IL1RAPL1: variants seen among roughly 807,000 people sequenced by gnomAD.
IL1RAPL1 encodes interleukin-1 receptor accessory protein-like 1.
Under a neutral mutation model 48.4 loss-of-function variants are expected in IL1RAPL1, and 3 were observed. The ratio of observed to expected loss-of-function variants is 0.06; its 90% CI spans 0.03 to 0.16. IL1RAPL1 has a LOEUF of 0.16. Among genes scored for constraint, IL1RAPL1 ranks in the 10% least tolerant of loss-of-function variants. IL1RAPL1 has a pLI of 1.00. For missense variants in IL1RAPL1, 349 were observed against 530.6 expected (o/e 0.66, Z 3.36); for synonymous variants, 185 against 187.7 (o/e 0.99, Z 0.12).
At chrX:29,184,791 G>T (rs1930219585) in intron 2 of IL1RAPL1, among the ~76,000 whole-genome samples, 2 of 111,982 alleles carry the variant, frequency 1.8e-5, no homozygotes, top group Admixed American at 9.4e-5. Context: ...ATGAGCCACC[G>T]CACCCACCCA....
chrX:29,206,969 C>T (rs765854024), intron 2 of IL1RAPL1, among the ~76,000 whole-genome samples: 1 of 111,501 alleles, frequency 9.0e-6, no homozygotes, highest in South Asian at 3.8e-4. Context: ...TTATTTAAAA[C>T]GCTTTCCCAA....
intron 5 of IL1RAPL1, among the ~76,000 whole-genome samples, chrX:29,446,132 A>T (rs1934609333): frequency 9.0e-6 from 1 of 111,730 alleles, no homozygotes; most frequent in African/African-American, 3.2e-5. Context: ...GGTTCTCAAG[A>T]CTTTTTGTCC....
At position 29,569,898 on chromosome X, in the gene IL1RAPL1, A is replaced by G. The variant is rs748093318; in HGVS notation, c.704-98532A>G. On this transcript the variant is annotated intron_variant, in intron 5 of 10. Transcript: ENST00000378993. Reference sequence around the variant, plus strand: ...CCAGGTAGTGTTATTTGCAGCTGAAATCAGTAAGTTTGTAATTTAGAACCT... The same window carrying G: ...CCAGGTAGTGTTATTTGCAGCTGAAGTCAGTAAGTTTGTAATTTAGAACCT... Among the ~76,000 whole-genome samples the G allele has an allele frequency of 1.4e-4, 16 of 112,083 alleles. No individual in the cohort carries two copies. In the South Asian group the frequency reaches 4.1e-3, roughly 29 times the overall value.
intron 2 of IL1RAPL1, among the ~76,000 whole-genome samples, chrX:29,186,512 GGAAA>G (rs1930254988): frequency 1.8e-5 from 2 of 110,890 alleles, no homozygotes; most frequent in African/African-American, 3.3e-5. Flanking sequence ...CTAGTAGAAA[GGAAA>G]GAAAGATAGA....
intron 2 of IL1RAPL1, among the ~76,000 whole-genome samples, chrX:29,278,847 G>C (rs1393240683): frequency 8.9e-6 from 1 of 111,947 alleles, no homozygotes; most frequent in African/African-American, 3.2e-5. Flanking sequence ...TTTAAGATTT[G>C]AAAAGTCTCA....
chrX:29,837,300 T>C (rs1012938548), intron 6 of IL1RAPL1, among the ~76,000 whole-genome samples: 707 of 55,476 alleles, frequency 0.013, 27 homozygotes, highest in African/African-American at 0.044. Context: ...TATATATATA[T>C]ACACACACAC....
chrX:28,715,143 A>G (rs1935488212), intron 1 of IL1RAPL1, among the ~76,000 whole-genome samples: 1 of 112,476 alleles, frequency 8.9e-6, no homozygotes, highest in Non-Finnish European at 1.9e-5. Context: ...TCGTATAATC[A>G]GAAGTAAAAC....
intron 5 of IL1RAPL1, among the ~76,000 whole-genome samples, chrX:29,633,202 ATGAG>A (rs1924838717): frequency 9.0e-6 from 1 of 111,500 alleles, no homozygotes; most frequent in African/African-American, 3.3e-5. Context: ...ACACAACAAT[ATGAG>A]TGACTCTCAC....
chrX:28,757,984 G>A (rs1028907122), intron 1 of IL1RAPL1, among the ~76,000 whole-genome samples: 1 of 112,254 alleles, frequency 8.9e-6, no homozygotes, highest in African/African-American at 3.2e-5. Context: ...CTGTTGAAAA[G>A]CCAGGTGACC....
intron 5 of IL1RAPL1, among the ~76,000 whole-genome samples, chrX:29,570,198 A>G (rs894023309): frequency 5.3e-5 from 6 of 112,341 alleles, no homozygotes; most frequent in Admixed American, 2.8e-4. Context: ...ATATCATGGG[A>G]AAACTTATCA....
Position 29,268,544 on chromosome X carries a change from C to T in IL1RAPL1, c.83-14394C>T, listed in dbSNP as rs185403779. Among the ~76,000 whole-genome samples the T allele has an allele frequency of 1.7e-3, 191 of 111,867 alleles. 1 individual carries two copies. Among genetic ancestry groups the T allele is most frequent in the African/African-American group, 5.6e-3 (174 of 30,862 alleles). ...ATGTGTGCATGTGTATATATGTGTG[C>T]GTGCACATACCCTTGTCATCACTAA... On this transcript the variant is annotated intron_variant, in intron 2 of 10. Coordinates refer to ENST00000378993, the MANE Select transcript of IL1RAPL1 (RefSeq NM_014271.4).
intron 2 of IL1RAPL1, among the ~76,000 whole-genome samples, chrX:29,223,764 C>T (rs1326609260): frequency 2.7e-5 from 3 of 109,789 alleles, no homozygotes; most frequent in Non-Finnish European, 5.7e-5. Context: ...AGGCTGGTCT[C>T]GATCTCCTGA....
At chrX:29,081,022 T>TCTCTCTC (rs1569232895) in intron 2 of IL1RAPL1, among the ~76,000 whole-genome samples, 31 of 39,242 alleles carry the variant, frequency 7.9e-4, no homozygotes, top group Middle Eastern at 0.013. Flanking sequence ...CTCTCTCTCT[T>TCTCTCTC]TCTTTTCTTT....
intron 2 of IL1RAPL1, among the ~76,000 whole-genome samples, chrX:28,802,729 A>G (rs1422723108): frequency 8.9e-6 from 1 of 112,107 alleles, no homozygotes; most frequent in African/African-American, 3.2e-5. Context: ...ATATTGTCAT[A>G]TCAGAAAAAA....
At chrX:29,512,681 C>G (rs1007869947) in intron 5 of IL1RAPL1, among the ~76,000 whole-genome samples, 1 of 111,924 alleles carries the variant, frequency 8.9e-6, no homozygotes, top group African/African-American at 3.2e-5. Flanking sequence ...AGCACTTGAG[C>G]AAGAACAAGT....
intron 2 of IL1RAPL1, among the ~76,000 whole-genome samples, chrX:28,916,557 T>G (rs139459288): frequency 1.8e-5 from 2 of 112,471 alleles, no homozygotes; most frequent in African/African-American, 6.4e-5. Flanking sequence ...TTTAGAGCTG[T>G]GCTAGAATTG....
chrX:29,199,612 C>T (rs1471533658), intron 2 of IL1RAPL1, among the ~76,000 whole-genome samples: 1 of 110,722 alleles, frequency 9.0e-6, no homozygotes, highest in Non-Finnish European at 1.9e-5. Context: ...CTAGATCCCT[C>T]GCATGCGCAG....
At chrX:29,133,846 C>T (rs865934654) in intron 2 of IL1RAPL1, among the ~76,000 whole-genome samples, 4 of 111,555 alleles carry the variant, frequency 3.6e-5, no homozygotes, top group Non-Finnish European at 5.7e-5. Context: ...TTTATCCCTC[C>T]TTCTCCCAAC....
chrX:29,703,875 T>G (rs1022966786), intron 6 of IL1RAPL1, among the ~76,000 whole-genome samples: 3 of 111,752 alleles, frequency 2.7e-5, no homozygotes, highest in African/African-American at 9.8e-5. Flanking sequence ...AGAAATACTC[T>G]TAATATCAGA....
Sources: allele counts gnomAD v4.1 joint callset (sites outside exome capture counted in the v4.1 genomes callset), GRCh38; gene constraint gnomAD v4.1.1; transcripts MANE v1.5; gene names NCBI Gene and HGNC (gene_info 2026-07-23, HGNC 2026-07-21).